PLD1: variants seen among roughly 807,000 people sequenced by gnomAD.
PLD1 encodes the protein choline phosphatase 1.
In PLD1, 112 loss-of-function variants were observed where a neutral mutation model predicts 137.1. That is an observed-to-expected ratio of 0.82 (90% CI 0.70 to 0.96). The LOEUF (loss-of-function observed/expected upper bound fraction) is 0.96, where lower values mean the gene tolerates loss of function less well. Among genes scored for constraint, PLD1 ranks in the 40% least tolerant of loss-of-function variants. The probability of loss-of-function intolerance (pLI) is 0.00; values close to 1 mark genes in which losing one functional copy is unlikely to be tolerated. For missense variants in PLD1, 1,321 were observed against 1,342.0 expected, an observed-to-expected ratio of 0.98 and a Z score of 0.24; for synonymous variants, 431 against 454.7, an observed-to-expected ratio of 0.95 and a Z score of 0.66.
At chr3:171,634,048 T>C (rs1734903195) in intron 23 of PLD1, among the ~76,000 whole-genome samples, 1 of 152,202 alleles carries the variant, frequency 6.6e-6, no homozygotes, top group African/African-American at 2.4e-5. Flanking sequence ...AACCACTACA[T>C]ATACAAAAAC....
chr3:171,755,479 GT>G (rs1720958944), intron 1 of PLD1, among the ~76,000 whole-genome samples: 1 of 152,024 alleles, frequency 6.6e-6, no homozygotes, highest in African/African-American at 2.4e-5. Context: ...CACTCCTCTA[GT>G]TTTCCTCCTC....
At chr3:171,617,670 T>A (rs1733235499) in intron 24 of PLD1, among the ~76,000 whole-genome samples, 1 of 152,122 alleles carries the variant, frequency 6.6e-6, no homozygotes. Context: ...GAAAACTGGA[T>A]TTGGTCACAG....
intron 19 of PLD1, chr3:171,666,193 T>C (rs1312231184): frequency 6.6e-6 from 1 of 152,276 alleles, no homozygotes; most frequent in Non-Finnish European, 1.5e-5. Context: ...TCTGTTCTCA[T>C]GCTGCTAATA....
At chr3:171,642,419 T>C in intron 23 of PLD1, among the ~76,000 whole-genome samples, 1 of 134,246 alleles carries the variant, frequency 7.4e-6, no homozygotes, top group Non-Finnish European at 1.5e-5. Flanking sequence ...ACCACACCAT[T>C]GCACTCCAGC....
intron 16 of PLD1, among the ~76,000 whole-genome samples, chr3:171,679,952 A>G (rs1238529203): frequency 6.6e-6 from 1 of 152,126 alleles, no homozygotes; most frequent in African/African-American, 2.4e-5. Context: ...TGATTTCATA[A>G]TTGCACCTGC....
chr3:171,611,118 A>C (rs899685210), intron 25 of PLD1, among the ~76,000 whole-genome samples: 2 of 152,202 alleles, frequency 1.3e-5, no homozygotes, highest in African/African-American at 4.8e-5. Flanking sequence ...GAAAGGGCAT[A>C]ACGCACTGAT....
intron 19 of PLD1, among the ~76,000 whole-genome samples, chr3:171,673,917 A>G (rs989202180): frequency 4.6e-5 from 7 of 150,924 alleles, no homozygotes; most frequent in Non-Finnish European, 8.8e-5. Flanking sequence ...ATTGGGTAAC[A>G]CTGGACCAGA....
At chr3:171,804,137 G>A (rs1452302999) in intron 1 of PLD1, among the ~76,000 whole-genome samples, 1 of 151,910 alleles carries the variant, frequency 6.6e-6, no homozygotes, top group African/African-American at 2.4e-5. Flanking sequence ...TATCTTCAGA[G>A]GACCACTGCC....
Position 171,620,382 on chromosome 3 carries a change from T to C in PLD1, c.2728+4A>G, listed in dbSNP as rs187883144. Reference sequence around the variant, plus strand: ...TACAATTATAGACCATATACTGTACTTACCAATAATAACAGTGTTATCATC... The same window carrying C: ...TACAATTATAGACCATATACTGTACCTACCAATAATAACAGTGTTATCATC... On this transcript the variant is annotated splice_donor_region_variant and intron_variant, in intron 24 of 26. Coordinates refer to ENST00000351298, the MANE Select transcript of PLD1 (RefSeq NM_002662.5). 24 of 1,587,944 alleles carry C rather than the reference T, an allele frequency of 1.5e-5. No individual in the cohort carries two copies. The East Asian group carries it at 4.9e-4, about 33-fold the overall frequency.
intron 1 of PLD1, among the ~76,000 whole-genome samples, chr3:171,778,890 G>T (rs1338306311): frequency 6.6e-6 from 1 of 152,148 alleles, no homozygotes; most frequent in Non-Finnish European, 1.5e-5. Context: ...CACAAGTTGG[G>T]TAGGTAAAGA....
chr3:171,630,372 T>C (rs1734551102), intron 23 of PLD1, among the ~76,000 whole-genome samples: 1 of 142,516 alleles, frequency 7.0e-6, no homozygotes, highest in Admixed American at 6.8e-5. Context: ...CAACAGGTGC[T>C]GGAGAGGATG....
intron 16 of PLD1, among the ~76,000 whole-genome samples, chr3:171,683,290 G>GA (rs1350553485): frequency 1.3e-5 from 2 of 152,106 alleles, no homozygotes; most frequent in African/African-American, 2.4e-5. Flanking sequence ...ATGATCCTTG[G>GA]AAAATGTAAG....
At chr3:171,656,259 C>T (rs898526509) in intron 21 of PLD1, among the ~76,000 whole-genome samples, 1 of 151,980 alleles carries the variant, frequency 6.6e-6, no homozygotes, top group African/African-American at 2.4e-5. Flanking sequence ...CAATCTCCAC[C>T]TCCTGGGTTC....
chr3:171,807,736 G>C (rs2108363419), intron 1 of PLD1, among the ~76,000 whole-genome samples: 1 of 152,228 alleles, frequency 6.6e-6, no homozygotes, highest in East Asian at 1.9e-4. Flanking sequence ...ATATCCAAAA[G>C]AAAATAAGTT....
chr3:171,703,920 A>G (rs1204075259), intron 11 of PLD1, among the ~76,000 whole-genome samples: 1 of 152,204 alleles, frequency 6.6e-6, no homozygotes, highest in African/African-American at 2.4e-5. Context: ...CTCCTCTCCA[A>G]TGGAGATGTA....
chr3:171,776,512 A>C (rs1416529218), intron 1 of PLD1, among the ~76,000 whole-genome samples: 5 of 152,252 alleles, frequency 3.3e-5, no homozygotes, highest in Admixed American at 2.0e-4. Flanking sequence ...CCAAGACAGA[A>C]GACTTTACTT....
intron 1 of PLD1, among the ~76,000 whole-genome samples, chr3:171,802,945 G>C (rs1053317588): frequency 6.6e-6 from 1 of 152,202 alleles, no homozygotes; most frequent in African/African-American, 2.4e-5. Context: ...GGGCCCAGAA[G>C]GCACATGGGG....
At chr3:171,614,761 T>G (rs900482775) in intron 24 of PLD1, among the ~76,000 whole-genome samples, 20 of 152,236 alleles carry the variant, frequency 1.3e-4, no homozygotes, top group Non-Finnish European at 2.6e-4. Flanking sequence ...TGGATTGAAC[T>G]GACATCACTG....
intron 1 of PLD1, among the ~76,000 whole-genome samples, chr3:171,758,360 T>C (rs186162229): frequency 2.8e-4 from 42 of 152,320 alleles, no homozygotes; most frequent in Admixed American, 2.5e-3. Context: ...AACTGGACAC[T>C]GGCCAAAGTA....
Sources: allele counts gnomAD v4.1 joint callset (sites outside exome capture counted in the v4.1 genomes callset), GRCh38; gene constraint gnomAD v4.1.1; transcripts MANE v1.5; gene names NCBI Gene and HGNC (gene_info 2026-07-23, HGNC 2026-07-21).